The following HSF4 variants were observed in gnomAD, a reference collection of about 807,000 sequenced individuals.
HSF4 encodes the protein heat shock transcription factor 4, also known as heat shock factor protein 4.
HSF4 carries 41 observed loss-of-function variants against 52.0 expected under a neutral mutation model. The observed-to-expected ratio is 0.79, with a 90% CI of 0.61 to 1.02. The LOEUF (loss-of-function observed/expected upper bound fraction) is 1.02. Ranked by LOEUF, HSF4 falls within the 50% of genes least tolerant of loss-of-function variation. The pLI, the probability that HSF4 is intolerant of heterozygous loss-of-function variation, is 0.00. For missense variants in HSF4, 610 were observed against 651.1 expected, an observed-to-expected ratio of 0.94 and a Z score of 0.69; for synonymous variants, 285 against 273.0, an observed-to-expected ratio of 1.04 and a Z score of -0.43.
Position 67,169,092 on chromosome 16 carries a change from G to C in HSF4, c.1245G>C (p.Glu415Asp). ...REWTLMDLDM[E>D]LSLMQPLVPE... Reference sequence around the variant, plus strand: ...GGACCCTGATGGACTTGGACATGGAGCTGTCCTTGGTAAGAAGTGGGTCGG... The same window carrying C: ...GGACCCTGATGGACTTGGACATGGACCTGTCCTTGGTAAGAAGTGGGTCGG... Residue 415 changes from glutamate to aspartate, a missense_variant, in exon 11 of 13, where the codon GAG (glutamate) becomes GAC (aspartate). Coordinates refer to ENST00000521374, the MANE Select transcript of HSF4 (RefSeq NM_001374675.1). The surrounding 1 kb of genome is among the most constrained non-coding windows in gnomAD (Gnocchi z 4.3). The C allele has an allele frequency of 1.9e-6, 3 of 1,613,074 alleles. No individual in the cohort carries two copies. Among genetic ancestry groups the C allele is most frequent in the East Asian group, 2.2e-5 (1 of 44,882 alleles).
Position 67,169,046 on chromosome 16 carries a change from C to T in HSF4, c.1199C>T (p.Pro400Leu). The change falls in exon 11 of 13, where the codon CCC (proline) becomes CTC (leucine). Residue 400 changes from proline (P) to leucine (L), a missense_variant. Transcript: ENST00000521374. The surrounding 1 kb of genome is among the most constrained non-coding windows in gnomAD (Gnocchi z 4.3). ...EPAGPLDVLG[P>L]SLQGREWTLM... ...CAGAGCTCTCCTCAGGTGCTGGGCC[C>T]CAGTCTCCAAGGGCGAGAATGGACC... 1.2e-6 allele frequency: 2 copies of T among 1,613,902 alleles called. No homozygotes were observed. The highest frequency in any genetic ancestry group is 1.7e-6 in the Non-Finnish European group (2 of 1,180,026).
rs777997735 is a variant in HSF4, at chr16:67,166,306, C to G, written c.486-14C>G. Reference sequence around the variant, plus strand: ...ACTCTCAGATGCCTCAGCACCCTCCCACCCCTTCCTCAGGCAGAACGAGAT... The same window carrying G: ...ACTCTCAGATGCCTCAGCACCCTCCGACCCCTTCCTCAGGCAGAACGAGAT... On this transcript the variant is annotated splice_polypyrimidine_tract_variant and intron_variant, in intron 4 of 12. Transcript: ENST00000521374. 6 of 1,609,482 alleles carry G rather than the reference C, an allele frequency of 3.7e-6. No homozygotes were observed. The highest frequency in any genetic ancestry group is 5.1e-6 in the Non-Finnish European group (6 of 1,177,738).
At position 67,169,057 on chromosome 16, in the gene HSF4, G is replaced by A. The variant is rs2031534288; in HGVS notation, c.1210G>A (p.Gly404Arg). 6.2e-7 allele frequency: 1 copy of A among 1,613,868 alleles called. No homozygotes were observed. The highest frequency in any genetic ancestry group is 8.5e-7 in the Non-Finnish European group (1 of 1,180,028). ...TCAGGTGCTGGGCCCCAGTCTCCAA[G>A]GGCGAGAATGGACCCTGATGGACTT... ...PLDVLGPSLQ[G>R]REWTLMDLDM... is the part of the protein sequence containing the mutation. Residue 404 changes from glycine to arginine, a missense_variant, in exon 11 of 13, where the codon GGG becomes AGG. Coordinates refer to ENST00000521374, the MANE Select transcript of HSF4 (RefSeq NM_001374675.1). This position sits in a 1 kb window ranked among gnomAD's most constrained non-coding sequence, Gnocchi z 4.3.
In HSF4 at chr16:67,165,053, T is replaced by TC. The variant is rs1466234655; in HGVS notation, c.123+120dup. 2 of 1,141,950 alleles carry TC rather than the reference T, an allele frequency of 1.8e-6. No individual in the cohort carries two copies. Among genetic ancestry groups the TC allele is most frequent in the African/African-American group, 3.1e-5 (2 of 63,974 alleles). 70.7% of individuals were successfully genotyped at this position (1,141,950 alleles called of 1,614,324 possible). A position where few individuals can be genotyped will look rare whatever the true frequency, so the allele number is the denominator to read the frequency against. ...GCCGTGGATCCCCGGATTTGGCCATTCAGAGAAGTTCACCTTGGAGGGGGT... is the reference window on the plus strand; with the variant it reads ...GCCGTGGATCCCCGGATTTGGCCATTCCAGAGAAGTTCACCTTGGAGGGGGT... On this transcript the variant is annotated intron_variant, in intron 1 of 12. Transcript: ENST00000521374. The surrounding 1 kb of genome is among the most constrained non-coding windows in gnomAD (Gnocchi z 6.9).
At position 67,166,332 on chromosome 16, in the gene HSF4, C is replaced by T. The variant is rs375017943; in HGVS notation, c.498C>T (p.Ile166=). The T allele has an allele frequency of 2.4e-4, 387 of 1,612,160 alleles. 1 individual carries two copies. Among genetic ancestry groups the T allele is most frequent in the Admixed American group, 6.2e-4 (37 of 59,842 alleles). The change falls in exon 5 of 13, where the codon ATC becomes ATT. Residue 166 remains isoleucine, a synonymous_variant. Transcript: ENST00000521374. ...ACCCCTTCCTCAGGCAGAACGAGAT[C>T]TTGTGGCGGGAGGTGGTGACACTTC... ...RLRELRQQNE[I]LWREVVTLRQ... is the part of the protein sequence containing the mutation.
Position 67,169,025 on chromosome 16 carries a change from G to A in HSF4, c.1189-11G>A. ...CTGGGGAGGGCACCACTGACCCAGA[G>A]CTCTCCTCAGGTGCTGGGCCCCAGT... is the stretch of plus-strand genomic sequence containing the variant. On this transcript the variant is annotated splice_polypyrimidine_tract_variant and intron_variant, in intron 10 of 12. Transcript: ENST00000521374. This position sits in a 1 kb window ranked among gnomAD's most constrained non-coding sequence, Gnocchi z 4.3. 1.2e-6 allele frequency: 2 copies of A among 1,613,970 alleles called. No individual in the cohort carries two copies. Among genetic ancestry groups the A allele is most frequent in the Non-Finnish European group, 1.7e-6 (2 of 1,180,004 alleles).
chr16:67,167,942 T>G lies in HSF4; in HGVS notation c.1077T>G (p.Pro359=). The G allele has an allele frequency of 6.3e-7, 1 of 1,590,482 alleles. No homozygotes were observed. Among genetic ancestry groups the G allele is most frequent in the Non-Finnish European group, 8.5e-7 (1 of 1,174,208 alleles). The change falls in exon 9 of 13, where the codon CCT becomes CCG. Residue 359 remains proline, a synonymous_variant. Transcript: ENST00000521374. ...QPEPGDPREI[P]DRGPLGLESG... ...AACCAGGGGATCCCAGGGAGATACC[T>G]GACAGGTGAGCAGAGCCCCAGCTGG...
rs1353682615 is a variant in HSF4, at chr16:67,165,781, G to T, written c.295G>T (p.Val99Phe). The T allele has an allele frequency of 1.9e-6, 3 of 1,610,172 alleles. No individual in the cohort carries two copies. Among genetic ancestry groups the T allele is most frequent in the Admixed American group, 3.3e-5 (2 of 59,972 alleles). ...CCTGCTTAGGCCGGAGCGCGACCAC[G>T]TCGAGTTCCAGCACCCGAGCTTCGT... ...GGLLRPERDH[V>F]EFQHPSFVRG... The change falls in exon 3 of 13, where the codon GTC becomes TTC. Residue 99 changes from valine (V) to phenylalanine (F), a missense_variant. Physicochemically the swap from Val to Phe is conservative, Grantham distance 50. Coordinates refer to ENST00000521374, the MANE Select transcript of HSF4 (RefSeq NM_001374675.1). The surrounding 1 kb of genome is among the most constrained non-coding windows in gnomAD (Gnocchi z 6.9).
At chr16:67,166,144 GT>G in intron 4 of HSF4, 74 bp downstream of exon 4, 1 of 1,466,714 alleles carries the variant, frequency 6.8e-7, no homozygotes, top group East Asian at 2.5e-5. Flanking sequence ...CCGGCCAGCA[GT>G]TCTGGGCAGC....
In HSF4 at chr16:67,165,030, C is replaced by G. The variant is rs150482366; in HGVS notation, c.123+96C>G. The G allele has an allele frequency of 7.6e-7, 1 of 1,309,102 alleles. No homozygotes were observed. The highest frequency in any genetic ancestry group is 1.0e-6 in the Non-Finnish European group (1 of 974,176). The allele number at this position is 1,309,102 out of a possible 1,614,324, so 81.1% of individuals were successfully genotyped here. ...GCCCAACCCCCTCCTGAGACTGGGC[C>G]GTGGATCCCCGGATTTGGCCATTCA... On this transcript the variant is annotated intron_variant, in intron 1 of 12. Transcript: ENST00000521374. This position sits in a 1 kb window ranked among gnomAD's most constrained non-coding sequence, Gnocchi z 6.9.
chr16:67,165,176 A>G lies in HSF4; in HGVS notation c.123+242A>G. The G allele has an allele frequency of 1.7e-6, 1 of 595,620 alleles. No individual in the cohort carries two copies. The allele number at this position is 595,620 out of a possible 1,614,324, so 36.9% of individuals were successfully genotyped here. A position where few individuals can be genotyped will look rare whatever the true frequency, so the allele number is the denominator to read the frequency against. On this transcript the variant is annotated intron_variant, in intron 1 of 12. Transcript: ENST00000521374. The surrounding 1 kb of genome is among the most constrained non-coding windows in gnomAD (Gnocchi z 6.9). ...GGACCTTCGAGGCCATTTAGTTCCC[A>G]CCCTACCCCATCCGACAGATGGGAA...
Position 67,169,266 on chromosome 16 carries a change from G to C in HSF4, c.1255-13G>C, listed in dbSNP as rs370129261. On this transcript the variant is annotated splice_polypyrimidine_tract_variant and intron_variant, in intron 11 of 12. Coordinates refer to ENST00000521374, the MANE Select transcript of HSF4 (RefSeq NM_001374675.1). This position sits in a 1 kb window ranked among gnomAD's most constrained non-coding sequence, Gnocchi z 4.3. ...GGTCCCCTCCCCAGCTGCTCCCTGC[G>C]GTTCTCACGCAGATGCAGCCCTTGG... 5.0e-6 allele frequency: 8 copies of C among 1,613,194 alleles called. No individual in the cohort carries two copies. The highest frequency in any genetic ancestry group is 6.8e-6 in the Non-Finnish European group (8 of 1,179,900).
In HSF4 at chr16:67,169,519, A is replaced by T; in HGVS notation, c.1325-112A>T. On this transcript the variant is annotated intron_variant, in intron 12 of 12. Transcript: ENST00000521374. The surrounding 1 kb of genome is among the most constrained non-coding windows in gnomAD (Gnocchi z 4.3). ...ACCATTGGGCGAGAGTGGGGAGGTT[A>T]AGAATGGATGTTTTATCCTAACTGA... is the stretch of plus-strand genomic sequence containing the variant. 1 of 1,594,316 alleles carries T rather than the reference A, an allele frequency of 6.3e-7. No individual in the cohort carries two copies. The highest frequency in any genetic ancestry group is 8.5e-7 in the Non-Finnish European group (1 of 1,176,514).
At position 67,167,816 on chromosome 16, in the gene HSF4, C is replaced by T. The variant is rs768248407; in HGVS notation, c.951C>T (p.Cys317=). ...LALAPNECDF[C]VTAPPPLPVA... is the part of the protein sequence containing the mutation. ...TGGCCCCAAACGAGTGTGACTTCTG[C>T]GTGACAGCCCCCCCGCCACTGCCTG... is the stretch of plus-strand genomic sequence containing the variant. Residue 317 remains cysteine (C), a synonymous_variant, in exon 9 of 13, where the codon TGC becomes TGT. Transcript: ENST00000521374. 14 of 1,593,288 alleles carry T rather than the reference C, an allele frequency of 8.8e-6. No homozygotes were observed. Among genetic ancestry groups the T allele is most frequent in the African/African-American group, 4.0e-5 (3 of 74,556 alleles).
At position 67,169,227 on chromosome 16, in the gene HSF4, C is replaced by T; in HGVS notation, c.1255-52C>T. On this transcript the variant is annotated intron_variant, in intron 11 of 12. Transcript: ENST00000521374. This position sits in a 1 kb window ranked among gnomAD's most constrained non-coding sequence, Gnocchi z 4.3. ...TTGTCACAGTGATTTCCCAGCTGTC[C>T]CCCTCAGCTGCTAGGTCCCCTCCCC... 1 of 1,609,162 alleles carries T rather than the reference C, an allele frequency of 6.2e-7. No individual in the cohort carries two copies. Among genetic ancestry groups the T allele is most frequent in the Admixed American group, 1.7e-5 (1 of 59,874 alleles).
In HSF4 at chr16:67,165,705, G is replaced by GCCCCACT. The variant is rs759763285; in HGVS notation, c.233-8_233-2dup. 4 of 1,611,968 alleles carry GCCCCACT rather than the reference G, an allele frequency of 2.5e-6. No individual in the cohort carries two copies. The highest frequency in any genetic ancestry group is 2.2e-5 in the East Asian group (1 of 44,850). The stretch of plus-strand genomic sequence containing the variant: ...GGGATGGGGCGACCCACGCCCCCAC[G>GCCCCACT]CCCCACTCCCCAGACGGTTTTCGGA... On this transcript the variant is annotated splice_polypyrimidine_tract_variant and intron_variant, in intron 2 of 12. Transcript: ENST00000521374. This position sits in a 1 kb window ranked among gnomAD's most constrained non-coding sequence, Gnocchi z 6.9.
upstream of HSF4, chr16:67,164,714 G>T: frequency 7.2e-7 from 1 of 1,385,756 alleles, no homozygotes; most frequent in African/African-American, 1.5e-5. Flanking sequence ...GCCCCGGGGC[G>T]GAGTAGGGCG....
rs1468942074 is a variant in HSF4 at position 67,167,479 on chromosome 16, T to C, written c.734T>C (p.Leu245Pro). ...GGCCTAGCCTTCTACTTACAGCCTC[T>C]CCCAGAGACAAATTTGGGCCTTAGC... Reference protein sequence around the residue: ...LQDPYFIQSPLPETNLGLSPH... With the variant: ...LQDPYFIQSPPPETNLGLSPH... Residue 245 changes from leucine to proline, a missense_variant, in exon 8 of 13, where the codon CTC (leucine) becomes CCC (proline). By Grantham distance (98) the Leu-to-Pro change is moderately conservative (BLOSUM62 -3). Transcript: ENST00000521374. 6.2e-7 allele frequency: 1 copy of C among 1,613,818 alleles called. No individual in the cohort carries two copies. The highest frequency in any genetic ancestry group is 2.2e-5 in the East Asian group (1 of 44,886).
intron 5 of HSF4, 42 bp downstream of exon 5, chr16:67,166,437 G>C (rs1163957762): frequency 6.3e-7 from 1 of 1,591,956 alleles, no homozygotes; most frequent in Non-Finnish European, 8.6e-7. Flanking sequence ...CCCACTCCTC[G>C]ACACCCCATT....
Sources: allele counts gnomAD v4.1 joint callset, GRCh38; gene constraint gnomAD v4.1.1; non-coding constraint Gnocchi (gnomAD v3.1); transcripts MANE v1.5; gene names NCBI Gene and HGNC (gene_info 2026-07-23, HGNC 2026-07-21).